Variants in WDR49 observed in about 807,000 individuals in gnomAD.
The protein encoded by WDR49 is cilia- and flagella-associated protein 337.
Under a neutral mutation model 119.5 loss-of-function variants are expected in WDR49, and 107 were observed. That is an observed-to-expected ratio of 0.90 (90% CI 0.77 to 1.05). WDR49 has a LOEUF of 1.05. WDR49 is among the 50% of genes least tolerant of loss of function. The probability of loss-of-function intolerance (pLI) is 0.00; values close to 1 mark genes in which losing one functional copy is unlikely to be tolerated. For synonymous variants in WDR49, 425 were observed against 418.8 expected (o/e 1.01, Z -0.18); for missense variants, 1,240 against 1,220.5 (o/e 1.02, Z -0.24).
rs563601042 is a variant in WDR49 at position 167,513,592 on chromosome 3, T to A, written c.2775-8176A>T. ...ACCAGCCAGCATCATGGAGACAAAA[T>A]CAAATTCACACATAACAATATCAAC... On this transcript the variant is annotated intron_variant, in intron 16 of 18. Coordinates refer to ENST00000682715, the MANE Select transcript of WDR49 (RefSeq NM_001366157.1). Among the ~76,000 whole-genome samples, 3 of 152,120 alleles carry A rather than the reference T, an allele frequency of 2.0e-5. No individual in the cohort carries two copies. The East Asian group carries it at 5.8e-4, about 29-fold the overall frequency.
Position 167,649,608 on chromosome 3 carries a change from C to T in WDR49, c.165+3653G>A, listed in dbSNP as rs151189127. ...TGAACTTCTCCAGTCTTTTGAGATT[C>T]AGTTTGAATAAGTGCATTGTGTTTA... On this transcript the variant is annotated intron_variant, in intron 2 of 18. Transcript: ENST00000682715. 2.0e-5 allele frequency among the ~76,000 whole-genome samples: 3 copies of T among 152,300 alleles called. No homozygotes were observed. The East Asian group carries it at 5.8e-4, about 29-fold the overall frequency.
chr3:167,588,474 T>C (rs1286209745), intron 7 of WDR49, among the ~76,000 whole-genome samples: 1 of 152,180 alleles, frequency 6.6e-6, no homozygotes, highest in East Asian at 1.9e-4. Context: ...TACCTAGTAG[T>C]GGGAATGCTG....
intron 6 of WDR49, among the ~76,000 whole-genome samples, chr3:167,603,429 T>C (rs1715875373): frequency 6.6e-6 from 1 of 152,220 alleles, no homozygotes; most frequent in Admixed American, 6.5e-5. Context: ...AGATTTGATG[T>C]TGGCATATTC....
chr3:167,510,972 A>T lies in WDR49; in HGVS notation c.2775-5556T>A, dbSNP rs150060803. On this transcript the variant is annotated intron_variant, in intron 16 of 18. Transcript: ENST00000682715. ...TTTCATATGGATGAGAGCTAGCATG[A>T]TTCTTTCCTTGAATTTACCAATCTG... 4.4e-3 allele frequency among the ~76,000 whole-genome samples: 671 copies of T among 151,434 alleles called. 1 individual carries two copies. Among genetic ancestry groups the T allele is most frequent in the Middle Eastern group, 0.02 (6 of 294 alleles).
At chr3:167,625,824 C>G (rs116397698) in intron 3 of WDR49, among the ~76,000 whole-genome samples, 1,871 of 151,730 alleles carry the variant, frequency 0.012, 33 homozygotes, top group African/African-American at 0.043. Context: ...TTAAACAACA[C>G]CATGTAGACA....
At chr3:167,503,832 G>T (rs939273170) in intron 17 of WDR49, among the ~76,000 whole-genome samples, 1 of 152,220 alleles carries the variant, frequency 6.6e-6, no homozygotes, top group African/African-American at 2.4e-5. Context: ...AAAGGGAGGG[G>T]ACCCAAAGGT....
At chr3:167,650,534 G>A (rs1373774368) in intron 2 of WDR49, among the ~76,000 whole-genome samples, 2 of 152,088 alleles carry the variant, frequency 1.3e-5, no homozygotes, top group Admixed American at 6.6e-5. Context: ...TAGAATTTTT[G>A]CCTGCTAAGA....
At chr3:167,526,339 T>C (rs1335020603) in intron 15 of WDR49, among the ~76,000 whole-genome samples, 1 of 152,134 alleles carries the variant, frequency 6.6e-6, no homozygotes, top group East Asian at 1.9e-4. Flanking sequence ...CCTAGAACGG[T>C]GTTATTTCTT....
At chr3:167,539,159 T>C (rs76993136) in intron 10 of WDR49, among the ~76,000 whole-genome samples, 4,625 of 152,242 alleles carry the variant, frequency 0.03, 217 homozygotes, top group African/African-American at 0.11. Context: ...TAAAGATAGA[T>C]GAATTAATGC....
chr3:167,594,063 C>G (rs1437802216), intron 7 of WDR49, among the ~76,000 whole-genome samples: 1 of 152,138 alleles, frequency 6.6e-6, no homozygotes, highest in Non-Finnish European at 1.5e-5. Context: ...ATAAGTTACC[C>G]AGTCTCAGGT....
intron 2 of WDR49, among the ~76,000 whole-genome samples, chr3:167,647,974 T>G (rs1260995487): frequency 6.6e-6 from 1 of 152,178 alleles, no homozygotes; most frequent in East Asian, 1.9e-4. Flanking sequence ...TTAACATGCA[T>G]TTTGTTTAGG....
chr3:167,549,143 C>A (rs1181011213), intron 10 of WDR49, among the ~76,000 whole-genome samples: 1 of 152,150 alleles, frequency 6.6e-6, no homozygotes, highest in Non-Finnish European at 1.5e-5. Flanking sequence ...AATAGTGCCA[C>A]AATAAACATA....
intron 16 of WDR49, among the ~76,000 whole-genome samples, chr3:167,508,397 G>A (rs577997058): frequency 1.1e-4 from 16 of 152,150 alleles, no homozygotes; most frequent in African/African-American, 2.2e-4. Context: ...TAACTTCTCC[G>A]CCTCTGTTTT....
intron 18 of WDR49, among the ~76,000 whole-genome samples, chr3:167,495,458 A>G (rs144100643): frequency 0.011 from 1,627 of 152,194 alleles, 32 homozygotes; most frequent in African/African-American, 0.036. Flanking sequence ...AAAATATACA[A>G]ACTGAAGCCA....
intron 8 of WDR49, among the ~76,000 whole-genome samples, chr3:167,565,447 A>AGT (rs200814458): frequency 0.021 from 3,143 of 151,478 alleles, 67 homozygotes; most frequent in Non-Finnish European, 0.024. Context: ...TATGTAATAT[A>AGT]GTGTGTGTGT....
chr3:167,621,280 A>G (rs1716855941), intron 4 of WDR49, among the ~76,000 whole-genome samples, 187 bp downstream of exon 4: 1 of 152,098 alleles, frequency 6.6e-6, no homozygotes, highest in African/African-American at 2.4e-5. Context: ...CCCACACACA[A>G]TTAAGATTTG....
At chr3:167,572,399 A>T (rs566022114) in intron 8 of WDR49, among the ~76,000 whole-genome samples, 90 of 152,350 alleles carry the variant, frequency 5.9e-4, no homozygotes, top group Middle Eastern at 3.4e-3. Context: ...CTGAAGTCCA[A>T]ATACAAGGAA....
chr3:167,522,126 T>A (rs1429178155), intron 16 of WDR49, among the ~76,000 whole-genome samples, 189 bp downstream of exon 16: 1 of 152,006 alleles, frequency 6.6e-6, no homozygotes, highest in Non-Finnish European at 1.5e-5. Flanking sequence ...AGTCAAGAAA[T>A]AAGAACCAAA....
intron 8 of WDR49, among the ~76,000 whole-genome samples, chr3:167,571,226 T>A (rs182648000): frequency 5.9e-5 from 9 of 152,110 alleles, no homozygotes; most frequent in African/African-American, 1.7e-4. Context: ...AGTATTCAAA[T>A]TTGCAAAGCC....
Sources: allele counts gnomAD v4.1 joint callset (sites outside exome capture counted in the v4.1 genomes callset), GRCh38; gene constraint gnomAD v4.1.1; transcripts MANE v1.5; gene names NCBI Gene and HGNC (gene_info 2026-07-23, HGNC 2026-07-21).